CTNND2: variants seen among roughly 807,000 people sequenced by gnomAD.
CTNND2 encodes catenin delta-2.
CTNND2 carries 22 observed loss-of-function variants against 144.4 expected under a neutral mutation model. That is an observed-to-expected ratio of 0.15 (90% CI 0.11 to 0.22). CTNND2 has a LOEUF of 0.22. Ranked by LOEUF, CTNND2 falls within the 10% of genes least tolerant of loss-of-function variation. CTNND2 has a pLI of 1.00. For synonymous variants in CTNND2, 751 were observed against 695.6 expected (o/e 1.08, Z -1.25); for missense variants, 1,353 against 1,618.8 (o/e 0.84, Z 2.82).
chr5:11,476,092 A>T (rs1193120337), intron 3 of CTNND2, among the ~76,000 whole-genome samples: 1 of 148,624 alleles, frequency 6.7e-6, no homozygotes, highest in Admixed American at 6.7e-5. Context: ...GCTGGTCTGG[A>T]ACTCCTTGAC....
intron 13 of CTNND2, among the ~76,000 whole-genome samples, chr5:11,117,059 A>C (rs1360421487): frequency 6.7e-6 from 1 of 149,170 alleles, no homozygotes; most frequent in East Asian, 2.1e-4. Flanking sequence ...ACAGAGCGAG[A>C]CTCTGTCTCA....
intron 9 of CTNND2, among the ~76,000 whole-genome samples, chr5:11,323,234 G>GA (rs895552915): frequency 1.4e-5 from 2 of 146,192 alleles, no homozygotes; most frequent in South Asian, 2.4e-4. Flanking sequence ...TAGAGATTGG[G>GA]GGGGGGGGTC....
At chr5:11,817,717 C>T (rs916087072) in intron 1 of CTNND2, among the ~76,000 whole-genome samples, 4 of 152,014 alleles carry the variant, frequency 2.6e-5, no homozygotes, top group East Asian at 1.9e-4. Context: ...CCACAGGTTA[C>T]GGCGGGGATG....
intron 11 of CTNND2, among the ~76,000 whole-genome samples, chr5:11,176,672 T>A (rs1432316898): frequency 6.6e-6 from 1 of 152,134 alleles, no homozygotes; most frequent in African/African-American, 2.4e-5. Context: ...TTCCTTATCC[T>A]AACTTGCAAT....
At chr5:11,726,998 G>T (rs1271402712) in intron 2 of CTNND2, among the ~76,000 whole-genome samples, 3 of 152,100 alleles carry the variant, frequency 2.0e-5, no homozygotes, top group Non-Finnish European at 4.4e-5. Context: ...AGGAAGCAGG[G>T]GTGGAGAGAC....
At chr5:11,481,891 T>C (rs894539913) in intron 3 of CTNND2, among the ~76,000 whole-genome samples, 1 of 152,184 alleles carries the variant, frequency 6.6e-6, no homozygotes, top group Non-Finnish European at 1.5e-5. Flanking sequence ...ACGGACAGCC[T>C]GTGCAGGCCC....
chr5:11,155,652 C>T (rs1758151268), intron 12 of CTNND2, among the ~76,000 whole-genome samples: 1 of 152,098 alleles, frequency 6.6e-6, no homozygotes, highest in African/African-American at 2.4e-5. Flanking sequence ...CCCCATGCCG[C>T]TTGGCCTCTC....
intron 5 of CTNND2, among the ~76,000 whole-genome samples, chr5:11,397,946 G>C (rs1760292918): frequency 6.6e-6 from 1 of 152,176 alleles, no homozygotes; most frequent in South Asian, 2.1e-4. Flanking sequence ...TTTTAGATGA[G>C]ATCCTTGCAA....
intron 2 of CTNND2, among the ~76,000 whole-genome samples, chr5:11,649,798 A>G (rs1782552742): frequency 6.6e-6 from 1 of 152,160 alleles, no homozygotes; most frequent in Admixed American, 6.5e-5. Context: ...TACAGTTTTT[A>G]CTGTATTGTA....
intron 1 of CTNND2, among the ~76,000 whole-genome samples, chr5:11,813,944 A>G (rs530648145): frequency 2.0e-5 from 3 of 152,366 alleles, no homozygotes; most frequent in African/African-American, 7.2e-5. Flanking sequence ...TAAATCCTGT[A>G]AGAATCTGCA....
At chr5:11,035,411 C>T (rs1021566401) in intron 16 of CTNND2, among the ~76,000 whole-genome samples, 2 of 152,208 alleles carry the variant, frequency 1.3e-5, no homozygotes, top group Admixed American at 6.5e-5. Flanking sequence ...TGTGTCACAT[C>T]GCTCTGACCC....
intron 10 of CTNND2, among the ~76,000 whole-genome samples, chr5:11,215,806 C>G (rs895459746): frequency 1.3e-5 from 2 of 152,024 alleles, no homozygotes; most frequent in Non-Finnish European, 2.9e-5. Context: ...TGGGAACTCT[C>G]AGAGATAATA....
At chr5:11,744,560 G>C (rs1400318877) in intron 1 of CTNND2, among the ~76,000 whole-genome samples, 1 of 152,114 alleles carries the variant, frequency 6.6e-6, no homozygotes, top group Non-Finnish European at 1.5e-5. Flanking sequence ...GAGCAGGAAA[G>C]AGCAGCAAGT....
At chr5:11,667,078 CCCTAAAAAGGACATGAAATCATCCTTTT>C in intron 2 of CTNND2, among the ~76,000 whole-genome samples, 1 of 152,096 alleles carries the variant, frequency 6.6e-6, no homozygotes, top group African/African-American at 2.4e-5. Flanking sequence ...TCATCCATAT[CCCTAAAAAGGACATGAAATCATCCTTTT>C]TATGGCTCCA....
intron 3 of CTNND2, among the ~76,000 whole-genome samples, chr5:11,470,954 G>GTATATATATATATA (rs71595821): frequency 0.018 from 1,133 of 63,040 alleles, 52 homozygotes; most frequent in South Asian, 0.024. Flanking sequence ...TTGATACAAA[G>GTATATATATATATA]TATATATATA....
At chr5:11,748,005 C>G (rs4235606) in intron 1 of CTNND2, among the ~76,000 whole-genome samples, 148,908 of 152,198 alleles carry the variant, frequency 0.98, 72,919 homozygotes, top group East Asian at 1. Context: ...GGCAGTCAAG[C>G]ACAAAAAATC....
intron 3 of CTNND2, among the ~76,000 whole-genome samples, chr5:11,544,056 G>T (rs972618967): frequency 6.6e-6 from 1 of 152,082 alleles, no homozygotes; most frequent in African/African-American, 2.4e-5. Context: ...GGACACTGAA[G>T]ATTGTTGAAT....
At chr5:11,698,309 G>C (rs565188913) in intron 2 of CTNND2, among the ~76,000 whole-genome samples, 3 of 144,182 alleles carry the variant, frequency 2.1e-5, no homozygotes, top group African/African-American at 7.7e-5. Context: ...TTTTTTTTGA[G>C]ACGGAGTCTC....
chr5:11,844,972 T>C (rs192380065), intron 1 of CTNND2, among the ~76,000 whole-genome samples: 1 of 152,224 alleles, frequency 6.6e-6, no homozygotes, highest in Non-Finnish European at 1.5e-5. Flanking sequence ...GGAGCCATCA[T>C]TTTCATGAAC....
Sources: allele counts gnomAD v4.1 joint callset (sites outside exome capture counted in the v4.1 genomes callset), GRCh38; gene constraint gnomAD v4.1.1; transcripts MANE v1.5; gene names NCBI Gene and HGNC (gene_info 2026-07-23, HGNC 2026-07-21).